TYMS: variants seen among roughly 807,000 people sequenced by gnomAD.
TYMS encodes the protein thymidylate synthetase.
In TYMS, 21 loss-of-function variants were observed where a neutral mutation model predicts 39.3. The observed-to-expected ratio is 0.54, with a 90% confidence interval of 0.38 to 0.77. The LOEUF (loss-of-function observed/expected upper bound fraction) is 0.77. Ranked by LOEUF, TYMS falls within the 30% of genes least tolerant of loss-of-function variation. The pLI is 0.00. For synonymous variants in TYMS, 171 were observed against 162.2 expected (o/e 1.05, Z -0.41); for missense variants, 273 against 406.7 (o/e 0.67, Z 2.83).
At chr18:666,899 ATGGAGATG>A (rs1567989276) in intron 3 of TYMS, among the ~76,000 whole-genome samples, 9,149 of 56,324 alleles carry the variant, frequency 0.16, 902 homozygotes, top group Non-Finnish European at 0.19. Context: ...GGAGATGGTG[ATGGAGATG>A]GTGATGGTGA....
In TYMS at chr18:658,448, G is replaced by A; in HGVS notation, c.205+501G>A. 2 of 811,102 alleles carry A rather than the reference G, an allele frequency of 2.5e-6. No homozygotes were observed. Among genetic ancestry groups the A allele is most frequent in the Non-Finnish European group, 3.4e-6 (2 of 595,466 alleles). The allele number at this position is 811,102 out of a possible 1,614,324, so 50.2% of individuals were successfully genotyped here. A position where few individuals can be genotyped will look rare whatever the true frequency, so the allele number is the denominator to read the frequency against. ...AAGAGGAGAGCACTGAAGCTGGCGC[G>A]GGAACTTGGTTTCCTGGTGGCCTCC... On this transcript the variant is annotated intron_variant, in intron 1 of 6. Coordinates refer to ENST00000323274, the MANE Select transcript of TYMS (RefSeq NM_001071.4). This position sits in a 1 kb window ranked among gnomAD's most constrained non-coding sequence, Gnocchi z 4.5.
intron 1 of TYMS, among the ~76,000 whole-genome samples, chr18:659,330 C>A (rs1254063665): frequency 6.6e-6 from 1 of 152,154 alleles, no homozygotes; most frequent in Non-Finnish European, 1.5e-5. Context: ...AGGATTAGCA[C>A]TAGTGGGCAG....
Position 670,718 on chromosome 18 carries a change from T to C in TYMS, c.583T>C (p.Cys195Arg). ...TCTTCCTCTGATGGCGCTGCCTCCA[T>C]GCCATGCCCTCTGCCAGTTCTATGT... ...RDLPLMALPP[C>R]HALCQFYVVN... Residue 195 changes from cysteine to arginine, a missense_variant, in exon 5 of 7, where the codon TGC becomes CGC. By Grantham distance (180) the Cys-to-Arg change is radical. Coordinates refer to ENST00000323274, the MANE Select transcript of TYMS (RefSeq NM_001071.4). 3 of 1,614,170 alleles carry C rather than the reference T, an allele frequency of 1.9e-6. No individual in the cohort carries two copies. The highest frequency in any genetic ancestry group is 2.5e-6 in the Non-Finnish European group (3 of 1,180,028).
In TYMS at chr18:673,125, TATTA is replaced by T; in HGVS notation, c.*132_*135del. On this transcript the variant is annotated 3_prime_UTR_variant, in exon 7 of 7. Coordinates refer to ENST00000323274, the MANE Select transcript of TYMS (RefSeq NM_001071.4). The stretch of plus-strand genomic sequence containing the variant: ...AAAAATCTGTCCGTGACCTATCAGT[TATTA>T]ATTTTTAAGGATGTTGCCACTGGCA... 5 of 1,060,076 alleles carry T rather than the reference TATTA, an allele frequency of 4.7e-6. No individual in the cohort carries two copies. Among genetic ancestry groups the T allele is most frequent in the Non-Finnish European group, 1.3e-6 (1 of 769,638 alleles). The allele number at this position is 1,060,076 out of a possible 1,614,324, so 65.7% of individuals were successfully genotyped here.
chr18:664,111 A>G (rs2144276016), intron 3 of TYMS, among the ~76,000 whole-genome samples: 1 of 150,200 alleles, frequency 6.7e-6, no homozygotes, highest in South Asian at 2.1e-4. Flanking sequence ...CTTGGGCAGT[A>G]TGGCCATTTT....
chr18:657,912 C>G lies in TYMS; in HGVS notation c.170C>G (p.Ser57Trp), dbSNP rs1416155914. ...KDDRTGTGTLSVFGMQARYSL... is the reference protein window; with the variant it reads ...KDDRTGTGTLWVFGMQARYSL... ...GACCGCACGGGCACCGGCACCCTGT[C>G]GGTATTCGGCATGCAGGCGCGCTAC... Residue 57 changes from serine (S) to tryptophan (W), a missense_variant, in exon 1 of 7, where the codon TCG (serine) becomes TGG (tryptophan). Ser to Trp is a radical substitution (Grantham distance 177). This residue lies in a region of TYMS where 228 missense variants were observed against 326.1 expected (regional missense o/e 0.70). Coordinates refer to ENST00000323274, the MANE Select transcript of TYMS (RefSeq NM_001071.4). The G allele has an allele frequency of 6.6e-7, 1 of 1,510,222 alleles. No individual in the cohort carries two copies. The highest frequency in any genetic ancestry group is 8.8e-7 in the Non-Finnish European group (1 of 1,135,650). 93.6% of individuals were successfully genotyped at this position (1,510,222 alleles called of 1,614,324 possible). A position where few individuals can be genotyped will look rare whatever the true frequency, so the allele number is the denominator to read the frequency against.
chr18:665,316 G>A (rs1172264140), intron 3 of TYMS, among the ~76,000 whole-genome samples: 14 of 150,970 alleles, frequency 9.3e-5, no homozygotes, highest in Non-Finnish European at 1.6e-4. Flanking sequence ...AGAGGTGTTT[G>A]TAGTAATCTC....
chr18:671,682 CAG>C (rs1369668506), intron 6 of TYMS: 1 of 535,372 alleles, frequency 1.9e-6, no homozygotes, highest in East Asian at 3.5e-5. Flanking sequence ...GCACCAGTAC[CAG>C]AGAGGGAAGA....
rs2847612 is a variant in TYMS, at chr18:658,430, G to C, written c.205+483G>C. 143,255 of 980,418 alleles carry C rather than the reference G, an allele frequency of 0.15. 14,603 individuals carry two copies. The highest frequency in any genetic ancestry group is 0.52 in the East Asian group (7,989 of 15,438). 60.7% of individuals were successfully genotyped at this position (980,418 alleles called of 1,614,324 possible). A position where few individuals can be genotyped will look rare whatever the true frequency, so the allele number is the denominator to read the frequency against. On this transcript the variant is annotated intron_variant, in intron 1 of 6. Transcript: ENST00000323274. The surrounding 1 kb of genome is among the most constrained non-coding windows in gnomAD (Gnocchi z 4.5). ...CGGGGCAAAGGCGGCGGGAAGAGGA[G>C]AGCACTGAAGCTGGCGCGGGAACTT...
intron 3 of TYMS, among the ~76,000 whole-genome samples, chr18:664,582 C>T: frequency 7.4e-6 from 1 of 134,574 alleles, no homozygotes; most frequent in Non-Finnish European, 1.6e-5. Context: ...GAGAGGGCAT[C>T]CCTGTCTTGT....
At chr18:668,194 C>T (rs1257988859) in intron 3 of TYMS, among the ~76,000 whole-genome samples, 1 of 151,932 alleles carries the variant, frequency 6.6e-6, no homozygotes, top group Non-Finnish European at 1.5e-5. Flanking sequence ...GTAACCACTA[C>T]AATCAAGTTA....
At chr18:667,173 T>A (rs796868916) in intron 3 of TYMS, among the ~76,000 whole-genome samples, 81 of 67,296 alleles carry the variant, frequency 1.2e-3, no homozygotes, top group Admixed American at 1.5e-3. Context: ...ATGGTGATGG[T>A]GATGGTGATG....
At position 657,867 on chromosome 18, in the gene TYMS, G is replaced by A. The variant is rs749802693; in HGVS notation, c.125G>A (p.Arg42His). The A allele has an allele frequency of 6.6e-7, 1 of 1,507,718 alleles. No individual in the cohort carries two copies. Among genetic ancestry groups the A allele is most frequent in the African/African-American group, 1.4e-5 (1 of 70,344 alleles). The allele number at this position is 1,507,718 out of a possible 1,614,324, so 93.4% of individuals were successfully genotyped here. A position where few individuals can be genotyped will look rare whatever the true frequency, so the allele number is the denominator to read the frequency against. ...CTGGGGCAGATCCAACACATCCTCC[G>A]CTGCGGCGTCAGGAAGGACGACCGC... Reference protein sequence around the residue: ...QYLGQIQHILRCGVRKDDRTG... With the variant: ...QYLGQIQHILHCGVRKDDRTG... The change falls in exon 1 of 7, where the codon CGC becomes CAC. Residue 42 changes from arginine (R) to histidine (H), a missense_variant. By Grantham distance (29) the Arg-to-His change is conservative (BLOSUM62 0). Around this residue, in one of 3 missense-constraint regions of TYMS, gnomAD observed 228 missense variants for 326.1 expected, o/e 0.70. Coordinates refer to ENST00000323274, the MANE Select transcript of TYMS (RefSeq NM_001071.4).
At chr18:664,648 G>A (rs372847790) in intron 3 of TYMS, among the ~76,000 whole-genome samples, 2 of 144,406 alleles carry the variant, frequency 1.4e-5, no homozygotes. Context: ...GATATTGGCT[G>A]TGGGTTTGTC....
At position 657,667 on chromosome 18, in the gene TYMS, C is replaced by T. The variant is rs1347676706; in HGVS notation, c.-76C>T. 1 of 354,266 alleles carries T rather than the reference C, an allele frequency of 2.8e-6. No individual in the cohort carries two copies. The highest frequency in any genetic ancestry group is 3.9e-6 in the Non-Finnish European group (1 of 256,978). The allele number at this position is 354,266 out of a possible 1,614,324, so 21.9% of individuals were successfully genotyped here. ...GCCACCGCGCCACTTGGCCTGCCTCCGTCCCGCCGCGCCACTTGGCCTGCC... is the reference window on the plus strand; with the variant it reads ...GCCACCGCGCCACTTGGCCTGCCTCTGTCCCGCCGCGCCACTTGGCCTGCC... On this transcript the variant is annotated 5_prime_UTR_variant, in exon 1 of 7. Coordinates refer to ENST00000323274, the MANE Select transcript of TYMS (RefSeq NM_001071.4).
Position 657,950 on chromosome 18 carries a change from G to A in TYMS, c.205+3G>A. ...GCAGGCGCGCTACAGCCTGAGAGGT[G>A]ACGCCGCGGGCCCCTGCGGGACGGG... On this transcript the variant is annotated splice_donor_region_variant and intron_variant, in intron 1 of 6. Coordinates refer to ENST00000323274, the MANE Select transcript of TYMS (RefSeq NM_001071.4). The A allele has an allele frequency of 6.6e-7, 1 of 1,506,158 alleles. No individual in the cohort carries two copies. Among genetic ancestry groups the A allele is most frequent in the Non-Finnish European group, 8.8e-7 (1 of 1,131,878 alleles). The allele number at this position is 1,506,158 out of a possible 1,614,324, so 93.3% of individuals were successfully genotyped here.
intron 4 of TYMS, 96 bp from the exon 5 acceptor site, chr18:670,596 A>G (rs2074997085): frequency 7.4e-7 from 1 of 1,353,622 alleles, no homozygotes; most frequent in Non-Finnish European, 1.0e-6. Flanking sequence ...TCTCCACCAT[A>G]TGAGTTGGCT....
At chr18:668,523 G>T (rs1264802203) in intron 3 of TYMS, among the ~76,000 whole-genome samples, 7 of 152,176 alleles carry the variant, frequency 4.6e-5, no homozygotes, top group Admixed American at 2.6e-4. Flanking sequence ...CGTGTGTTGA[G>T]CTGCTAAACT....
chr18:667,511 T>A (rs866644710), intron 3 of TYMS, among the ~76,000 whole-genome samples: 9 of 46,066 alleles, frequency 2.0e-4, no homozygotes, highest in Admixed American at 3.4e-4. Flanking sequence ...ATGGTGATGG[T>A]GATGGTGATG....
Sources: allele counts gnomAD v4.1 joint callset (sites outside exome capture counted in the v4.1 genomes callset), GRCh38; gene constraint gnomAD v4.1.1; regional missense constraint gnomAD v4.1.1; non-coding constraint Gnocchi (gnomAD v3.1); transcripts MANE v1.5; gene names NCBI Gene and HGNC (gene_info 2026-07-23, HGNC 2026-07-21).